GBF1: variants seen among roughly 807,000 people sequenced by gnomAD.
GBF1 encodes the protein golgi brefeldin A resistant guanine nucleotide exchange factor 1.
GBF1 carries 114 observed loss-of-function variants against 210.5 expected under a neutral mutation model. The observed-to-expected ratio is 0.54, with a 90% CI of 0.47 to 0.63. GBF1 has a LOEUF of 0.63. GBF1 is among the 30% of genes least tolerant of loss of function. GBF1 has a pLI of 0.00. For missense variants in GBF1, 1,851 were observed against 2,357.7 expected (o/e 0.79, Z 4.45); for synonymous variants, 850 against 889.2 (o/e 0.96, Z 0.78).
chr10:102,334,007 C>A (rs747001674), intron 3 of GBF1, among the ~76,000 whole-genome samples: 26 of 152,104 alleles, frequency 1.7e-4, no homozygotes, highest in Non-Finnish European at 3.8e-4. Context: ...GAACTAATTT[C>A]TTTTTTTATC....
the GBF1 span, among the ~76,000 whole-genome samples, chr10:102,233,304 C>CTTTTT: frequency 1.0e-4 from 11 of 107,908 alleles, no homozygotes; most frequent in African/African-American, 3.0e-4. Flanking sequence ...TTTTTTCCTT[C>CTTTTT]TTTTTTTTTT....
chr10:102,298,897 T>C (rs1383521133), intron 3 of GBF1, among the ~76,000 whole-genome samples: 2 of 152,236 alleles, frequency 1.3e-5, no homozygotes, highest in African/African-American at 4.8e-5. Flanking sequence ...TCATTTTTGG[T>C]AAATATGAAA....
Position 102,368,257 on chromosome 10 carries a change from G to C in GBF1, c.2682G>C (p.Leu894Phe), listed in dbSNP as rs773545596. 4 of 1,613,956 alleles carry C rather than the reference G, an allele frequency of 2.5e-6. No individual in the cohort carries two copies. Among genetic ancestry groups the C allele is most frequent in the Non-Finnish European group, 3.4e-6 (4 of 1,179,920 alleles). The stretch of plus-strand genomic sequence containing the variant: ...TAATGCCTGAGGAGCAGACAGGCTT[G>C]GTTCGGGAGAACTATGTGTGGAATG... ...EIVMPEEQTG[L>F]VRENYVWNVL... Residue 894 changes from leucine (L) to phenylalanine (F), a missense_variant, in exon 22 of 40, where the codon TTG becomes TTC. By Grantham distance (22) the Leu-to-Phe change is conservative. Coordinates refer to ENST00000369983, the MANE Select transcript of GBF1 (RefSeq NM_001377137.1).
intron 3 of GBF1, among the ~76,000 whole-genome samples, chr10:102,276,352 C>T (rs932131593): frequency 4.0e-5 from 6 of 151,818 alleles, no homozygotes; most frequent in African/African-American, 9.7e-5. Context: ...CGGTGAAACC[C>T]CGTCTCTACT....
intron 24 of GBF1, 145 bp downstream of exon 24, chr10:102,369,532 C>A: frequency 2.3e-6 from 2 of 878,432 alleles, no homozygotes; most frequent in African/African-American, 1.7e-5. Flanking sequence ...AATGTAAGAC[C>A]ACAGATCTTG....
rs777056487 is a variant in GBF1 at position 102,368,368 on chromosome 10, C to G, written c.2793C>G (p.Thr931=). 1 of 1,614,050 alleles carries G rather than the reference C, an allele frequency of 6.2e-7. No individual in the cohort carries two copies. The highest frequency in any genetic ancestry group is 1.1e-5 in the South Asian group (1 of 91,082). ...ASYDLDLFTM[T]WGPTIAALSY... ...ATGATCTTGACCTCTTCACCATGAC[C>G]TGGGGCCCCACTATTGCTGCTCTCT... The change falls in exon 22 of 40, where the codon ACC becomes ACG. Residue 931 remains threonine (T), a synonymous_variant. Coordinates refer to ENST00000369983, the MANE Select transcript of GBF1 (RefSeq NM_001377137.1).
At position 102,276,965 on chromosome 10, in the gene GBF1, TACACACAC is replaced by T. The variant is rs112061268; in HGVS notation, c.163+16869_163+16876del. 4.7e-5 allele frequency among the ~76,000 whole-genome samples: 7 copies of T among 148,732 alleles called. No individual in the cohort carries two copies. The South Asian group carries it at 6.4e-4, about 14-fold the overall frequency. On this transcript the variant is annotated intron_variant, in intron 3 of 39. Transcript: ENST00000369983. ...GTCTCCCATATGTCCTTTTGCTACT[TACACACAC>T]ACACACACACACACACACATGCACA...
chr10:102,271,447 A>G (rs1338575329), intron 3 of GBF1, among the ~76,000 whole-genome samples: 1 of 151,280 alleles, frequency 6.6e-6, no homozygotes, highest in Non-Finnish European at 1.5e-5. Context: ...ACCTCCCAAA[A>G]TTGTTGAGAT....
At position 102,361,809 on chromosome 10, in the gene GBF1, A is replaced by G. The variant is rs1565159880; in HGVS notation, c.1583A>G (p.Gln528Arg). The G allele has an allele frequency of 3.1e-6, 5 of 1,613,608 alleles. No individual in the cohort carries two copies. Among genetic ancestry groups the G allele is most frequent in the Non-Finnish European group, 4.2e-6 (5 of 1,179,530 alleles). ...MKEMALEAIV[Q>R]LWRIPSFVTE... is the part of the protein sequence containing the mutation. ...GAGATGGCACTGGAGGCCATTGTGC[A>G]GCTCTGGCGCATCCCCAGCTTTGTC... Residue 528 changes from glutamine (Q) to arginine (R), a missense_variant, in exon 14 of 40, where the codon CAG (glutamine) becomes CGG (arginine). By Grantham distance (43) the Gln-to-Arg change is conservative. Transcript: ENST00000369983.
intron 3 of GBF1, among the ~76,000 whole-genome samples, chr10:102,272,433 C>G (rs1197873081): frequency 6.6e-6 from 1 of 152,176 alleles, no homozygotes; most frequent in Non-Finnish European, 1.5e-5. Flanking sequence ...AGTTTTGTTA[C>G]TTGCTTCTTA....
chr10:102,363,472 C>A lies in GBF1; in HGVS notation c.2017+76C>A, dbSNP rs1380639329. ...GAAGAGCAGAGGGAGGGAGCAGACA[C>A]CTAGGATAGTAACTAAGCAAGCCTT... On this transcript the variant is annotated intron_variant, in intron 16 of 39. Transcript: ENST00000369983. The surrounding 1 kb of genome is among the most constrained non-coding windows in gnomAD (Gnocchi z 4.2). 7.3e-7 allele frequency: 1 copy of A among 1,376,358 alleles called. No individual in the cohort carries two copies. Among genetic ancestry groups the A allele is most frequent in the East Asian group, 2.3e-5 (1 of 43,514 alleles). The allele number at this position is 1,376,358 out of a possible 1,614,324, so 85.3% of individuals were successfully genotyped here. A position where few individuals can be genotyped will look rare whatever the true frequency, so the allele number is the denominator to read the frequency against.
rs1293277923 is a variant in GBF1 at position 102,376,411 on chromosome 10, G to T, written c.4026G>T (p.Val1342=). ...ACCGATCAGCCACAGATGCCGATGTGGTCAACAGTGGTTGGTTAGTGGTGA... is the reference window on the plus strand; with the variant it reads ...ACCGATCAGCCACAGATGCCGATGTTGTCAACAGTGGTTGGTTAGTGGTGA... The part of the protein sequence containing the change: ...KIHRSATDAD[V]VNSGWLVVGK... Residue 1342 remains valine, a synonymous_variant, in exon 31 of 40, where the codon GTG becomes GTT. Coordinates refer to ENST00000369983, the MANE Select transcript of GBF1 (RefSeq NM_001377137.1). 6.2e-7 allele frequency: 1 copy of T among 1,614,168 alleles called. No homozygotes were observed. The highest frequency in any genetic ancestry group is 1.1e-5 in the South Asian group (1 of 91,084).
intron 3 of GBF1, among the ~76,000 whole-genome samples, chr10:102,341,211 C>A (rs756508798): frequency 6.8e-4 from 104 of 152,306 alleles, no homozygotes; most frequent in Non-Finnish European, 1.2e-3. Context: ...AGATGTTCAA[C>A]ATAATTAGTC....
upstream of GBF1, among the ~76,000 whole-genome samples, chr10:102,245,148 T>C (rs1344995207): frequency 6.6e-6 from 1 of 152,180 alleles, no homozygotes; most frequent in Non-Finnish European, 1.5e-5. Context: ...GGAGTAGGGA[T>C]GCCCGCTCAA....
intron 3 of GBF1, among the ~76,000 whole-genome samples, chr10:102,302,083 C>A (rs1371349251): frequency 1.7e-4 from 26 of 151,306 alleles, no homozygotes; most frequent in Admixed American, 1.7e-3. Context: ...GCCAACACAG[C>A]GAAACCCCGT....
chr10:102,379,731 T>G, intron 35 of GBF1, 80 bp downstream of exon 35: 1 of 1,526,222 alleles, frequency 6.6e-7, no homozygotes, highest in Non-Finnish European at 9.1e-7. Context: ...GCCCCTAATG[T>G]GAGTCTTCAG....
intron 3 of GBF1, among the ~76,000 whole-genome samples, chr10:102,275,328 G>T (rs2074855618): frequency 6.6e-6 from 1 of 152,148 alleles, no homozygotes; most frequent in Non-Finnish European, 1.5e-5. Context: ...CAAAACCCTT[G>T]TAACTTTGAA....
chr10:102,261,275 T>C (rs891853602), intron 3 of GBF1, among the ~76,000 whole-genome samples: 3 of 151,798 alleles, frequency 2.0e-5, no homozygotes, highest in African/African-American at 7.3e-5. Context: ...TATGTATATA[T>C]ATACACACAC....
intron 3 of GBF1, among the ~76,000 whole-genome samples, chr10:102,299,874 T>C (rs1301555854): frequency 3.3e-5 from 5 of 152,342 alleles, no homozygotes; most frequent in Non-Finnish European, 7.3e-5. Context: ...CATAACTATA[T>C]ACTAAATTAT....
Sources: gnomAD v4.1 joint callset for allele counts (sites outside exome capture counted in the v4.1 genomes callset) on GRCh38, gnomAD v4.1.1 for gene constraint, Gnocchi (gnomAD v3.1) non-coding constraint, MANE v1.5 for transcripts, NCBI Gene and HGNC (gene_info 2026-07-23, HGNC 2026-07-21) for gene names.